The following ALOX5 variants were observed in gnomAD, a reference collection of about 807,000 sequenced individuals.
ALOX5 encodes the protein polyunsaturated fatty acid 5-lipoxygenase.
Under a neutral mutation model 87.9 loss-of-function variants are expected in ALOX5, and 64 were observed. The observed-to-expected ratio is 0.73, with a 90% CI of 0.60 to 0.90. The LOEUF (loss-of-function observed/expected upper bound fraction) is 0.90. ALOX5 is among the 40% of genes least tolerant of loss of function. The pLI, the probability that ALOX5 is intolerant of heterozygous loss-of-function variation, is 0.00. For missense variants in ALOX5, 822 were observed against 907.5 expected (o/e 0.91, Z 1.21); for synonymous variants, 388 against 355.1 (o/e 1.09, Z -1.04).
intron 3 of ALOX5, among the ~76,000 whole-genome samples, chr10:45,410,065 C>T (rs1398483137): frequency 6.6e-6 from 1 of 152,270 alleles, no homozygotes; most frequent in African/African-American, 2.4e-5. Context: ...ATGCCATTTG[C>T]TGGCACAGAT....
At chr10:45,408,080 T>A (rs997380324) in intron 3 of ALOX5, among the ~76,000 whole-genome samples, 1 of 152,238 alleles carries the variant, frequency 6.6e-6, no homozygotes, top group African/African-American at 2.4e-5. Flanking sequence ...TTTTCACTTC[T>A]CCATATATTA....
intron 2 of ALOX5, among the ~76,000 whole-genome samples, chr10:45,391,362 C>T (rs1043859861): frequency 6.6e-5 from 10 of 152,202 alleles, no homozygotes; most frequent in South Asian, 2.1e-4. Flanking sequence ...CCCGAGGTGC[C>T]GGGATTGCAG....
intron 3 of ALOX5, among the ~76,000 whole-genome samples, chr10:45,396,230 TCTTA>T (rs1443173744): frequency 1.3e-5 from 2 of 152,246 alleles, no homozygotes; most frequent in Non-Finnish European, 2.9e-5. Flanking sequence ...AGGGGTTGCC[TCTTA>T]CTTCTTATGT....
At chr10:45,404,979 A>G (rs554049062) in intron 3 of ALOX5, among the ~76,000 whole-genome samples, 1 of 152,222 alleles carries the variant, frequency 6.6e-6, no homozygotes, top group Admixed American at 6.5e-5. Flanking sequence ...TATCTCATAT[A>G]TTTTCCCCTT....
In ALOX5 at chr10:45,382,498, G is replaced by A. The variant is rs139425864; in HGVS notation, c.166G>A (p.Val56Met). Reference sequence around the variant, plus strand: ...TCCTTCCCAGGTGGATTCATACGACGTGACTGTGGACGAGGAACTGGGCGA... The same window carrying A: ...TCCTTCCCAGGTGGATTCATACGACATGACTGTGGACGAGGAACTGGGCGA... ...FERGAVDSYD[V>M]TVDEELGEIQ... The change falls in exon 2 of 14, where the codon GTG (valine) becomes ATG (methionine). Residue 56 changes from valine to methionine, a missense_variant. Coordinates refer to ENST00000374391, the MANE Select transcript of ALOX5 (RefSeq NM_000698.5). 108 of 1,614,206 alleles carry A rather than the reference G, an allele frequency of 6.7e-5. No individual in the cohort carries two copies. In the African/African-American group the frequency reaches 1.2e-3, roughly 18 times the overall value.
chr10:45,423,602 G>A (rs1161663426), intron 4 of ALOX5, among the ~76,000 whole-genome samples: 1 of 152,180 alleles, frequency 6.6e-6, no homozygotes, highest in Non-Finnish European at 1.5e-5. Flanking sequence ...CTTCTCCTCA[G>A]CACCAAACAC....
chr10:45,414,954 TGGA>T (rs1344790086), intron 4 of ALOX5, among the ~76,000 whole-genome samples: 1 of 152,204 alleles, frequency 6.6e-6, no homozygotes, highest in Non-Finnish European at 1.5e-5. Flanking sequence ...GGAGAGGATG[TGGA>T]GAAGTAGGAA....
At chr10:45,443,883 TC>T in intron 12 of ALOX5, 55 bp downstream of exon 12, 2 of 1,532,396 alleles carry the variant, frequency 1.3e-6, no homozygotes, top group South Asian at 1.2e-5. Flanking sequence ...CGCTGCCTCC[TC>T]CCCCGCCCCG....
intron 6 of ALOX5, among the ~76,000 whole-genome samples, chr10:45,427,584 T>C (rs1044817001): frequency 5.9e-5 from 9 of 152,200 alleles, no homozygotes; most frequent in African/African-American, 2.2e-4. Context: ...TCGGTGGAGC[T>C]GCAGGGGGGC....
At chr10:45,381,368 C>T (rs1475449144) in intron 1 of ALOX5, among the ~76,000 whole-genome samples, 2 of 152,250 alleles carry the variant, frequency 1.3e-5, no homozygotes, top group Non-Finnish European at 1.5e-5. Context: ...CTAAGCCTCA[C>T]CATTTTCACT....
intron 3 of ALOX5, among the ~76,000 whole-genome samples, chr10:45,401,032 T>C (rs184958844): frequency 6.6e-6 from 1 of 152,378 alleles, no homozygotes; most frequent in East Asian, 1.9e-4. Flanking sequence ...GCTGATGGGC[T>C]GTATCCAGCC....
intron 7 of ALOX5, among the ~76,000 whole-genome samples, chr10:45,433,097 A>G (rs774579334): frequency 2.0e-5 from 3 of 152,276 alleles, no homozygotes; most frequent in Non-Finnish European, 4.4e-5. Context: ...AATGAAAGTT[A>G]ACAATGAGAT....
chr10:45,436,343 A>AT (rs1842060659), intron 7 of ALOX5, among the ~76,000 whole-genome samples: 1 of 151,926 alleles, frequency 6.6e-6, no homozygotes, highest in Non-Finnish European at 1.5e-5. Context: ...TGTCCATAAG[A>AT]TTTTTTCCTA....
At chr10:45,378,817 G>C (rs1839723980) in intron 1 of ALOX5, among the ~76,000 whole-genome samples, 1 of 152,180 alleles carries the variant, frequency 6.6e-6, no homozygotes, top group African/African-American at 2.4e-5. Flanking sequence ...CTTGAAGCCA[G>C]CACCAGGAAA....
chr10:45,391,077 G>GTCTCCCTCTCCCTCTCCC (rs1203048874), intron 2 of ALOX5, among the ~76,000 whole-genome samples: 1 of 55,560 alleles, frequency 1.8e-5, no homozygotes, highest in East Asian at 7.2e-4. Context: ...TCTCCCCACG[G>GTCTCCCTCTCCCTCTCCC]TCTCCCTCTC....
intron 2 of ALOX5, among the ~76,000 whole-genome samples, chr10:45,391,911 C>A (rs1237854609): frequency 9.0e-6 from 1 of 111,708 alleles, no homozygotes; most frequent in Non-Finnish European, 2.1e-5. Context: ...AGTGAGGAGC[C>A]CCTCCGCCCG....
intron 7 of ALOX5, among the ~76,000 whole-genome samples, 161 bp downstream of exon 7, chr10:45,428,925 T>C (rs987018134): frequency 2.6e-5 from 4 of 151,724 alleles, no homozygotes; most frequent in African/African-American, 9.7e-5. Context: ...GCGGAGAGGG[T>C]TCTACTCCCC....
At position 45,445,812 on chromosome 10, in the gene ALOX5, C is replaced by G. The variant is rs1842425624; in HGVS notation, c.*125C>G. The G allele has an allele frequency of 9.4e-7, 1 of 1,058,926 alleles. No homozygotes were observed. The highest frequency in any genetic ancestry group is 1.4e-6 in the Non-Finnish European group (1 of 728,816). The allele number at this position is 1,058,926 out of a possible 1,614,324, so 65.6% of individuals were successfully genotyped here. On this transcript the variant is annotated 3_prime_UTR_variant, in exon 14 of 14. Coordinates refer to ENST00000374391, the MANE Select transcript of ALOX5 (RefSeq NM_000698.5). ...CTCTTCCTCCGAGGCCAGTACCTTT[C>G]CATTTATTCTTTGATCTTCAGGGAA...
chr10:45,428,346 C>T (rs1010708339), intron 6 of ALOX5: 1 of 513,940 alleles, frequency 1.9e-6, no homozygotes, highest in Non-Finnish European at 3.4e-6. Context: ...GTCGGTCTCT[C>T]ATCTTTCGTG....
Sources: allele counts gnomAD v4.1 joint callset (sites outside exome capture counted in the v4.1 genomes callset), GRCh38; gene constraint gnomAD v4.1.1; transcripts MANE v1.5; gene names NCBI Gene and HGNC (gene_info 2026-07-23, HGNC 2026-07-21).